KLC3: variants seen among roughly 807,000 people sequenced by gnomAD.
KLC3 encodes the protein kinesin light chain 3.
KLC3 carries 72 observed loss-of-function variants against 62.9 expected under a neutral mutation model. That is an observed-to-expected ratio of 1.15 (90% CI 0.95 to 1.39). KLC3 has a LOEUF of 1.39. KLC3 is among the 40% of genes most tolerant of loss of function. The pLI, the probability that KLC3 is intolerant of heterozygous loss-of-function variation, is 0.00. For synonymous variants in KLC3, 377 were observed against 300.5 expected, an observed-to-expected ratio of 1.25 and a Z score of -2.63; for missense variants, 848 against 691.6, an observed-to-expected ratio of 1.23 and a Z score of -2.54.
At chr19:45,341,592 TG>T (rs1971397817) in intron 1 of KLC3, among the ~76,000 whole-genome samples, 3 of 112,512 alleles carry the variant, frequency 2.7e-5, no homozygotes, top group Non-Finnish European at 2.2e-5. Flanking sequence ...CGCGCGCGTG[TG>T]GTGGACAGTG....
intron 8 of KLC3, 179 bp from the exon 9 acceptor site, chr19:45,350,161 CT>C: frequency 1.7e-6 from 1 of 604,222 alleles, no homozygotes. Flanking sequence ...GTGGTTCACG[CT>C]TGTAACCCCA....
At chr19:45,346,471 A>C (rs1431842833) in intron 2 of KLC3, 73 bp from the exon 3 acceptor site, 3 of 1,296,938 alleles carry the variant, frequency 2.3e-6, no homozygotes, top group African/African-American at 2.9e-5. Flanking sequence ...GCCTGACTCG[A>C]GGCCTGGGCT....
At position 45,350,711 on chromosome 19, in the gene KLC3, C is replaced by T. The variant is rs759624982; in HGVS notation, c.1343C>T (p.Ser448Phe). Residue 448 changes from serine (S) to phenylalanine (F), a missense_variant, in exon 11 of 13, where the codon TCC becomes TTC. Transcript: ENST00000391946. Reference protein sequence around the residue: ...SIRRGSEKLVSRLRGEAAAGA... With the variant: ...SIRRGSEKLVFRLRGEAAAGA... ...AGGCGAGGAAGTGAGAAGCTGGTCT[C>T]CCGGCTCCGAGGCGAGGCGGCGGCA... 6.2e-7 allele frequency: 1 copy of T among 1,613,382 alleles called. No homozygotes were observed. Among genetic ancestry groups the T allele is most frequent in the African/African-American group, 1.3e-5 (1 of 74,888 alleles).
At position 45,351,451 on chromosome 19, in the gene KLC3, C is replaced by G. The variant is rs886420131; in HGVS notation, c.*94C>G. The G allele has an allele frequency of 4.4e-6, 7 of 1,583,494 alleles. No homozygotes were observed. The highest frequency in any genetic ancestry group is 4.5e-5 in the East Asian group (2 of 44,636). On this transcript the variant is annotated 3_prime_UTR_variant, in exon 13 of 13. Transcript: ENST00000391946. ...AGGGGGTCTATCATCTCCTGGCCCC[C>G]CCTTGCCTCTGGGTACCTGGTGGAT...
In KLC3 at chr19:45,348,738, G is replaced by A. The variant is rs1192970850; in HGVS notation, c.867+5G>A. 6.3e-7 allele frequency: 1 copy of A among 1,581,462 alleles called. No individual in the cohort carries two copies. The highest frequency in any genetic ancestry group is 8.6e-7 in the Non-Finnish European group (1 of 1,163,832). On this transcript the variant is annotated splice_donor_5th_base_variant and intron_variant, in intron 6 of 12. Coordinates refer to ENST00000391946, the MANE Select transcript of KLC3 (RefSeq NM_177417.3). ...CTGGGCCCTGAGCACCCCGCGGTGA[G>A]TGGGGCCCCAGGGAGACGAAGTGGG...
At chr19:45,348,569 G>C in intron 5 of KLC3, 77 bp from the exon 6 acceptor site, 15 of 1,408,600 alleles carry the variant, frequency 1.1e-5, no homozygotes, top group Non-Finnish European at 1.5e-5. Context: ...GGGCCTGTCA[G>C]GATTGGCCCA....
intron 8 of KLC3, 90 bp downstream of exon 8, chr19:45,349,692 A>ACGGTG (rs1971617788): frequency 4.7e-5 from 32 of 678,590 alleles, no homozygotes; most frequent in Non-Finnish European, 6.8e-5. Flanking sequence ...GAGCAACGTG[A>ACGGTG]GGGTGGGGGG....
intron 11 of KLC3, 82 bp downstream of exon 11, chr19:45,350,829 A>C: frequency 7.3e-7 from 1 of 1,376,226 alleles, no homozygotes; most frequent in Non-Finnish European, 1.0e-6. Flanking sequence ...ATCTTGCTCA[A>C]GAACCTTCCA....
In KLC3 at chr19:45,350,322, G is replaced by A. The variant is rs1568526897; in HGVS notation, c.1144-19G>A. 5.6e-6 allele frequency: 9 copies of A among 1,606,964 alleles called. No individual in the cohort carries two copies. The highest frequency in any genetic ancestry group is 7.7e-6 in the Non-Finnish European group (9 of 1,176,048). On this transcript the variant is annotated intron_variant, in intron 8 of 12. Coordinates refer to ENST00000391946, the MANE Select transcript of KLC3 (RefSeq NM_177417.3). ...GGAACTGGGGTCCGAAAAGTTCCCAGACACTCCCTTCTCCGCAGGCCTCAG... is the reference window on the plus strand; with the variant it reads ...GGAACTGGGGTCCGAAAAGTTCCCAAACACTCCCTTCTCCGCAGGCCTCAG...
intron 11 of KLC3, 37 bp downstream of exon 11, chr19:45,350,784 CAGCA>C (rs1473876508): frequency 6.4e-7 from 1 of 1,561,724 alleles, no homozygotes; most frequent in Admixed American, 1.8e-5. Context: ...GCCCTGACAT[CAGCA>C]GAATCCACAG....
intron 3 of KLC3, 99 bp from the exon 4 acceptor site, chr19:45,347,348 A>G: frequency 3.4e-6 from 3 of 889,786 alleles, no homozygotes; most frequent in Non-Finnish European, 5.2e-6. Flanking sequence ...CTCAAAAAAA[A>G]AAAAAAAACA....
Position 45,351,377 on chromosome 19 carries a change from GCCGCAGCT to G in KLC3, c.*21_*28del. 6.2e-7 allele frequency: 1 copy of G among 1,608,212 alleles called. No homozygotes were observed. The highest frequency in any genetic ancestry group is 8.5e-7 in the Non-Finnish European group (1 of 1,179,936). ...CACTAACGTCCAGTGAACTGCGCTGGCCGCAGCTTCTTGGGAACAGTGCAGGAGGGATG... is the reference window on the plus strand; with the variant it reads ...CACTAACGTCCAGTGAACTGCGCTGGTCTTGGGAACAGTGCAGGAGGGATG... On this transcript the variant is annotated 3_prime_UTR_variant, in exon 13 of 13. Coordinates refer to ENST00000391946, the MANE Select transcript of KLC3 (RefSeq NM_177417.3).
In KLC3 at chr19:45,347,563, G is replaced by GGA. The variant is rs543626053; in HGVS notation, c.559+49_559+50dup. 17 of 1,546,042 alleles carry GGA rather than the reference G, an allele frequency of 1.1e-5. No individual in the cohort carries two copies. In the East Asian group the frequency reaches 2.9e-4, roughly 27 times the overall value. Reference sequence around the variant, plus strand: ...CACAGAGGATGGCAGGCCAGGGTGGGGAGGGGGCTCTGAGCTGCAGGACCC... The same window carrying GGA: ...CACAGAGGATGGCAGGCCAGGGTGGGGAGAGGGGGCTCTGAGCTGCAGGACCC... On this transcript the variant is annotated intron_variant, in intron 4 of 12. Coordinates refer to ENST00000391946, the MANE Select transcript of KLC3 (RefSeq NM_177417.3).
intron 12 of KLC3, 41 bp from the exon 13 acceptor site, chr19:45,351,245 C>T (rs1568529192): frequency 1.2e-6 from 2 of 1,603,464 alleles, no homozygotes; most frequent in Admixed American, 1.7e-5. Context: ...TAACACTTGC[C>T]CCTCACCTCC....
At chr19:45,341,768 CGT>C (rs1462504700) in intron 1 of KLC3, among the ~76,000 whole-genome samples, 5 of 49,992 alleles carry the variant, frequency 1.0e-4, no homozygotes, top group East Asian at 5.9e-4. Flanking sequence ...TGTGTGAAGC[CGT>C]GTGTGCGTGT....
chr19:45,345,537 C>G lies in KLC3; in HGVS notation c.-5C>G. ...ACCCCTCACCATTGCTCCCCAGGAG[C>G]AGCAATGTCTGTGCAGGTAGCGGCT... On this transcript the variant is annotated 5_prime_UTR_variant, in exon 2 of 13. Coordinates refer to ENST00000391946, the MANE Select transcript of KLC3 (RefSeq NM_177417.3). The G allele has an allele frequency of 6.4e-7, 1 of 1,562,152 alleles. No homozygotes were observed. The highest frequency in any genetic ancestry group is 8.7e-7 in the Non-Finnish European group (1 of 1,153,768).
chr19:45,348,281 A>G, intron 5 of KLC3, 121 bp downstream of exon 5: 1 of 918,424 alleles, frequency 1.1e-6, no homozygotes, highest in Non-Finnish European at 1.6e-6. Context: ...AGGGGAGGGG[A>G]CAGCAAGAAT....
At chr19:45,346,856 A>T (rs1165863492) in intron 3 of KLC3, 82 bp downstream of exon 3, 1 of 1,285,454 alleles carries the variant, frequency 7.8e-7, no homozygotes, top group Non-Finnish European at 1.1e-6. Flanking sequence ...AGAATCCCAC[A>T]GTCCCCAAGA....
intron 12 of KLC3, 101 bp downstream of exon 12, chr19:45,351,118 G>A (rs1319718241): frequency 2.5e-6 from 4 of 1,606,214 alleles, no homozygotes; most frequent in Admixed American, 1.7e-5. Context: ...GTCAGCAGGT[G>A]GTGGGTTGGT....
Sources: allele counts gnomAD v4.1 joint callset (sites outside exome capture counted in the v4.1 genomes callset), GRCh38; gene constraint gnomAD v4.1.1; transcripts MANE v1.5; gene names NCBI Gene and HGNC (gene_info 2026-07-23, HGNC 2026-07-21).